The following TTN variants were observed in gnomAD, a reference collection of about 807,000 sequenced individuals.
TTN encodes connectin.
Under a neutral mutation model 3,223.0 loss-of-function variants are expected in TTN, and 1,525 were observed. The observed-to-expected ratio is 0.47, with a 90% CI of 0.45 to 0.49. The LOEUF (loss-of-function observed/expected upper bound fraction) is 0.49. Among genes scored for constraint, TTN ranks in the 20% least tolerant of loss-of-function variants. The pLI is 0.00. For missense variants in TTN, 40,786 were observed against 43,424.0 expected (o/e 0.94, Z 5.40); for synonymous variants, 14,094 against 15,161.0 (o/e 0.93, Z 5.17).
In TTN at chr2:178,679,958, CT is replaced by C; in HGVS notation, c.33515del (p.Glu11172GlyfsTer10). The C allele has an allele frequency of 6.2e-7, 1 of 1,613,020 alleles. No individual in the cohort carries two copies. Among genetic ancestry groups the C allele is most frequent in the Non-Finnish European group, 8.5e-7 (1 of 1,179,298 alleles). On this transcript the variant is annotated frameshift_variant, in exon 140 of 363. Transcript: ENST00000589042. LOFTEE classifies it high-confidence loss of function. ...TGAACTCCTCTTCTTCATGAATGTACTCTTCTTCTTCTTCTACAAGATATTC... is the reference window on the plus strand; with the variant it reads ...TGAACTCCTCTTCTTCATGAATGTACCTTCTTCTTCTTCTACAAGATATTC... Reference protein sequence around the residue: ...VEEYLVEEEEEYIHEEEEFIT... With the variant: ...VEEYLVEEEEXYIHEEEEFIT...
chr2:178,615,644 C>A lies in TTN; in HGVS notation c.48457G>T (p.Ala16153Ser), dbSNP rs876658063. Residue 16153 changes from alanine (A) to serine (S), a missense_variant, in exon 258 of 363, where the codon GCA (alanine) becomes TCA (serine). Ala to Ser is a moderately conservative substitution (Grantham distance 99, BLOSUM62 1). Coordinates refer to ENST00000589042, the MANE Select transcript of TTN (RefSeq NM_001267550.2). ...AAATCATCAAGAATGTACTCACTTG[C>A]AGGAGTTGACATATTTACAGGTTCA... ...VDEPVNMSTPATVPDPPENVK... is the reference protein window; with the variant it reads ...VDEPVNMSTPSTVPDPPENVK... 3.7e-6 allele frequency: 6 copies of A among 1,612,262 alleles called. No homozygotes were observed. The South Asian group carries it at 6.6e-5, about 18-fold the overall frequency.
At position 178,633,457 on chromosome 2, in the gene TTN, C is replaced by G; in HGVS notation, c.42902G>C (p.Cys14301Ser). 1.2e-6 allele frequency: 2 copies of G among 1,613,374 alleles called. No individual in the cohort carries two copies. The highest frequency in any genetic ancestry group is 1.7e-6 in the Non-Finnish European group (2 of 1,179,590). The change falls in exon 232 of 363, where the codon TGT (cysteine) becomes TCT (serine). Residue 14301 changes from cysteine (C) to serine (S), a missense_variant. Transcript: ENST00000589042. ...ADLKDKGEYVCDCGTDKTKAN... is the reference protein window; with the variant it reads ...ADLKDKGEYVSDCGTDKTKAN... ...CTTGGTCTTGTCTGTGCCACAGTCA[C>G]ACACATATTCGCCTTTATCTTTAAG... is the stretch of plus-strand genomic sequence containing the variant.
At chr2:178,637,266 A>C in intron 224 of TTN, 103 bp downstream of exon 224, 1 of 671,614 alleles carries the variant, frequency 1.5e-6, no homozygotes, top group Non-Finnish European at 2.3e-6. Flanking sequence ...ATTAGAAAAA[A>C]TAAAAATTGT....
chr2:178,718,165 C>T lies in TTN; in HGVS notation c.24841G>A (p.Ala8281Thr), dbSNP rs2077783832. 1 of 1,606,194 alleles carries T rather than the reference C, an allele frequency of 6.2e-7. No individual in the cohort carries two copies. Among genetic ancestry groups the T allele is most frequent in the Non-Finnish European group, 8.5e-7 (1 of 1,179,472 alleles). The stretch of plus-strand genomic sequence containing the variant: ...CCATCCACTTTACACTGTAAAGTTG[C>T]AGGTTCTCCAATGACTGCTTCCACA... Reference protein sequence around the residue: ...EHVEAVIGEPATLQCKVDGTP... With the variant: ...EHVEAVIGEPTTLQCKVDGTP... Residue 8281 changes from alanine (A) to threonine (T), a missense_variant, in exon 86 of 363, where the codon GCA (alanine) becomes ACA (threonine). By Grantham distance (58) the Ala-to-Thr change is moderately conservative. Coordinates refer to ENST00000589042, the MANE Select transcript of TTN (RefSeq NM_001267550.2).
In TTN at chr2:178,576,171, C is replaced by T. The variant is rs571879486; in HGVS notation, c.69961G>A (p.Asp23321Asn). 3.7e-6 allele frequency: 6 copies of T among 1,612,926 alleles called. No individual in the cohort carries two copies. Among genetic ancestry groups the T allele is most frequent in the South Asian group, 2.2e-5 (2 of 90,944 alleles). The stretch of plus-strand genomic sequence containing the variant: ...ACCGCTGGCTCCCCAACACCTGCAT[C>T]GTTGATGGCACTGATTCTGAAGTTG... ...KYNFRISAINDAGVGEPAVIP... is the reference protein window; with the variant it reads ...KYNFRISAINNAGVGEPAVIP... Residue 23321 changes from aspartate to asparagine, a missense_variant, in exon 326 of 363, where the codon GAT becomes AAT. By Grantham distance (23) the Asp-to-Asn change is conservative. Transcript: ENST00000589042. The surrounding 1 kb of genome is among the most constrained non-coding windows in gnomAD (Gnocchi z 4.3).
In TTN at chr2:178,526,826, ATGTAT is replaced by A; in HGVS notation, c.*181_*185del. ...TACAGTATGTACATGTCACTAGCAAATGTATTATATTCTTAGGTCAACAATTATGA... is the reference window on the plus strand; with the variant it reads ...TACAGTATGTACATGTCACTAGCAAATATATTCTTAGGTCAACAATTATGA... On this transcript the variant is annotated 3_prime_UTR_variant, in exon 363 of 363. Transcript: ENST00000589042. 1.8e-6 allele frequency: 1 copy of A among 548,490 alleles called. No homozygotes were observed. Among genetic ancestry groups the A allele is most frequent in the Non-Finnish European group, 3.1e-6 (1 of 319,166 alleles). The allele number at this position is 548,490 out of a possible 1,614,324, so 34.0% of individuals were successfully genotyped here. A position where few individuals can be genotyped will look rare whatever the true frequency, so the allele number is the denominator to read the frequency against.
In TTN at chr2:178,739,737, G is replaced by A. The variant is rs375415485; in HGVS notation, c.13496C>T (p.Ala4499Val). ...TAEGPRIQQGAKTSLQEEMDS... is the reference protein window; with the variant it reads ...TAEGPRIQQGVKTSLQEEMDS... ...CATTTCTTCTTGCAAACTTGTTTTG[G>A]CTCCTTGCTGAATTCTAGGACCCTC... Residue 4499 changes from alanine (A) to valine (V), a missense_variant, in exon 48 of 363, where the codon GCC becomes GTC. Coordinates refer to ENST00000589042, the MANE Select transcript of TTN (RefSeq NM_001267550.2). 1.2e-6 allele frequency: 2 copies of A among 1,613,670 alleles called. No homozygotes were observed. Among genetic ancestry groups the A allele is most frequent in the Non-Finnish European group, 1.7e-6 (2 of 1,179,842 alleles).
At chr2:178,695,083 C>T (rs975647814) in intron 115 of TTN, among the ~76,000 whole-genome samples, 177 bp from the exon 116 acceptor site, 16 of 151,288 alleles carry the variant, frequency 1.1e-4, no homozygotes, top group African/African-American at 3.2e-4. Context: ...TTGACCTTTA[C>T]GCACAACTTT....
rs1482843575 is a variant in TTN at position 178,679,629 on chromosome 2, G to A, written c.33634C>T (p.Pro11212Ser). Residue 11212 changes from proline to serine, a missense_variant, in exon 141 of 363, where the codon CCC (proline) becomes TCC (serine). By Grantham distance (74) the Pro-to-Ser change is moderately conservative. Transcript: ENST00000589042. Reference protein sequence around the residue: ...VPEEKKPVPVPKKKEAPPAKV... With the variant: ...VPEEKKPVPVSKKKEAPPAKV... Reference sequence around the variant, plus strand: ...GCCGGTGGAGCTTCCTTCTTCTTGGGAACAGGAACAGGTTTCTTCTCTTCT... The same window carrying A: ...GCCGGTGGAGCTTCCTTCTTCTTGGAAACAGGAACAGGTTTCTTCTCTTCT... 1 of 1,611,716 alleles carries A rather than the reference G, an allele frequency of 6.2e-7. No homozygotes were observed.
At position 178,558,321 on chromosome 2, in the gene TTN, C is replaced by A; in HGVS notation, c.87118+20G>T. Reference sequence around the variant, plus strand: ...ATGCAAATAATTTCAAATTTTGCTTCTACACAAAATTAGACATACCTAGTT... The same window carrying A: ...ATGCAAATAATTTCAAATTTTGCTTATACACAAAATTAGACATACCTAGTT... On this transcript the variant is annotated intron_variant, in intron 327 of 362. Coordinates refer to ENST00000589042, the MANE Select transcript of TTN (RefSeq NM_001267550.2). 6.3e-7 allele frequency: 1 copy of A among 1,595,610 alleles called. No homozygotes were observed. Among genetic ancestry groups the A allele is most frequent in the Non-Finnish European group, 8.5e-7 (1 of 1,174,792 alleles).
Position 178,536,457 on chromosome 2 carries a change from C to T in TTN, c.100290G>A (p.Glu33430=). 1 of 1,606,920 alleles carries T rather than the reference C, an allele frequency of 6.2e-7. No homozygotes were observed. Among genetic ancestry groups the T allele is most frequent in the Non-Finnish European group, 8.5e-7 (1 of 1,175,924 alleles). Reference sequence around the variant, plus strand: ...ATTTATTCTGCTTCTTCTCACGCTTCTCAAGGTAGTAATTTCTAATCTTTG... The same window carrying T: ...ATTTATTCTGCTTCTTCTCACGCTTTTCAAGGTAGTAATTTCTAATCTTTG... The part of the protein sequence containing the change: ...GGAKIRNYYL[E]KREKKQNKWI... The change falls in exon 357 of 363, where the codon GAG becomes GAA. Residue 33430 remains glutamate, a synonymous_variant. Coordinates refer to ENST00000589042, the MANE Select transcript of TTN (RefSeq NM_001267550.2).
chr2:178,735,221 A>G (rs2081243802), intron 50 of TTN, among the ~76,000 whole-genome samples: 1 of 152,222 alleles, frequency 6.6e-6, no homozygotes, highest in Admixed American at 6.5e-5. Flanking sequence ...GAAGAATTTT[A>G]TAAAAGAAGA....
In TTN at chr2:178,629,389, T is replaced by G; in HGVS notation, c.44336A>C (p.Glu14779Ala). 1.2e-6 allele frequency: 2 copies of G among 1,613,030 alleles called. No homozygotes were observed. The highest frequency in any genetic ancestry group is 1.7e-6 in the Non-Finnish European group (2 of 1,179,340). ...PLKDVTVTAG[E>A]TATFDCELSY... is the part of the protein sequence containing the mutation. ...GAGCTCGCAGTCGAAGGTGGCTGTT[T>G]CCCCTGCAGTCACGGTGACATCCTT... The change falls in exon 240 of 363, where the codon GAA (glutamate) becomes GCA (alanine). Residue 14779 changes from glutamate to alanine, a missense_variant. Glu to Ala is a moderately radical substitution (Grantham distance 107). Transcript: ENST00000589042.
chr2:178,633,144 C>T lies in TTN; in HGVS notation c.43086+43G>A, dbSNP rs72650082. The T allele has an allele frequency of 4.7e-4, 747 of 1,603,000 alleles. 10 individuals are homozygous for T. The African/African-American group carries it at 8.4e-3, about 18-fold the overall frequency. ...TTATGCCTTTTTTCACCCTACACAACCAAGCAACCCCTCTCCTATATAATT... is the reference window on the plus strand; with the variant it reads ...TTATGCCTTTTTTCACCCTACACAATCAAGCAACCCCTCTCCTATATAATT... On this transcript the variant is annotated intron_variant, in intron 233 of 362. Coordinates refer to ENST00000589042, the MANE Select transcript of TTN (RefSeq NM_001267550.2).
rs397517624 is a variant in TTN, at chr2:178,599,145, C to T, written c.56647+1G>A. 2.0e-6 allele frequency: 3 copies of T among 1,508,714 alleles called. No homozygotes were observed. Among genetic ancestry groups the T allele is most frequent in the Non-Finnish European group, 2.6e-6 (3 of 1,132,502 alleles). 93.5% of individuals were successfully genotyped at this position (1,508,714 alleles called of 1,614,324 possible). On this transcript the variant is annotated splice_donor_variant, in intron 290 of 362. Transcript: ENST00000589042. LOFTEE classifies it high-confidence loss of function. Reference sequence around the variant, plus strand: ...GTATGTGAAAATGTTCTCCTACTTACAGAAGAGGTTTCTTGCTGTTTCAGG... The same window carrying T: ...GTATGTGAAAATGTTCTCCTACTTATAGAAGAGGTTTCTTGCTGTTTCAGG...
At position 178,729,339 on chromosome 2, in the gene TTN, C is replaced by A; in HGVS notation, c.18817G>T (p.Val6273Leu). The change falls in exon 64 of 363, where the codon GTA becomes TTA. Residue 6273 changes from valine to leucine, a missense_variant. Physicochemically the swap from Val to Leu is conservative, Grantham distance 32. Coordinates refer to ENST00000589042, the MANE Select transcript of TTN (RefSeq NM_001267550.2). ...PSDTGEYQCI[V>L]SNEGGSCSCS... Reference sequence around the variant, plus strand: ...GAGCAGCTGCCGCCTTCATTGGATACAATGCACTGGTATTCCCCAGTGTCT... The same window carrying A: ...GAGCAGCTGCCGCCTTCATTGGATAAAATGCACTGGTATTCCCCAGTGTCT... 4.3e-6 allele frequency: 7 copies of A among 1,613,360 alleles called. No individual in the cohort carries two copies. Among genetic ancestry groups the A allele is most frequent in the Non-Finnish European group, 5.9e-6 (7 of 1,179,466 alleles).
At chr2:178,669,722 G>A (rs1484400948) in intron 157 of TTN, 47 bp from the exon 158 acceptor site, 6 of 1,587,162 alleles carry the variant, frequency 3.8e-6, no homozygotes, top group Middle Eastern at 1.7e-4. Flanking sequence ...ATTATAGTTG[G>A]GTGTAAACAT....
rs1352107314 is a variant in TTN, at chr2:178,526,226, A to G, written c.*786T>C. The G allele has an allele frequency of 6.6e-6, 1 of 152,644 alleles. No individual in the cohort carries two copies. The highest frequency in any genetic ancestry group is 2.4e-5 in the African/African-American group (1 of 41,444). 9.5% of individuals were successfully genotyped at this position (152,644 alleles called of 1,614,324 possible). On this transcript the variant is annotated 3_prime_UTR_variant, in exon 363 of 363. Coordinates refer to ENST00000589042, the MANE Select transcript of TTN (RefSeq NM_001267550.2). ...TTTTCAGGTGCAATTAAAATTTAGA[A>G]CTACCACACAAAGGCATTGGCTGCA...
At chr2:178,789,945 T>G in intron 12 of TTN, 33 bp downstream of exon 12, 2 of 1,611,822 alleles carry the variant, frequency 1.2e-6, no homozygotes, top group Non-Finnish European at 1.7e-6. Flanking sequence ...AGTTTAAAGA[T>G]GAACTTTTCA....
Sources: allele counts gnomAD v4.1 joint callset (sites outside exome capture counted in the v4.1 genomes callset), GRCh38; gene constraint gnomAD v4.1.1; non-coding constraint Gnocchi (gnomAD v3.1); transcripts MANE v1.5; gene names NCBI Gene and HGNC (gene_info 2026-07-23, HGNC 2026-07-21).